The following ZBTB10 variants were observed in gnomAD, a reference collection of about 807,000 sequenced individuals.
ZBTB10 encodes the protein zinc finger and BTB domain-containing protein 10.
In ZBTB10, 32 loss-of-function variants were observed where a neutral mutation model predicts 76.4. The observed-to-expected ratio is 0.42, with a 90% confidence interval of 0.32 to 0.56. The LOEUF (loss-of-function observed/expected upper bound fraction) is 0.56. Among genes scored for constraint, ZBTB10 ranks in the 20% least tolerant of loss-of-function variants. The probability of loss-of-function intolerance (pLI) is 0.14; values close to 1 mark genes in which losing one functional copy is unlikely to be tolerated. For missense variants in ZBTB10, 1,057 were observed against 1,098.5 expected, an observed-to-expected ratio of 0.96 and a Z score of 0.53; for synonymous variants, 523 against 432.9, an observed-to-expected ratio of 1.21 and a Z score of -2.58.
At chr8:80,491,702 T>G (rs188285752) in intron 1 of ZBTB10, among the ~76,000 whole-genome samples, 316 of 152,360 alleles carry the variant, frequency 2.1e-3, no homozygotes, top group Non-Finnish European at 2.2e-3. Flanking sequence ...TCAGGTTTAA[T>G]GATTAGCTCA....
intron 2 of ZBTB10, 103 bp from the exon 3 acceptor site, chr8:80,513,807 A>T: frequency 1.1e-6 from 1 of 879,098 alleles, no homozygotes; most frequent in Non-Finnish European, 1.8e-6. Flanking sequence ...CATTACTTAC[A>T]GATGGTACTT....
rs1436991727 is a variant in ZBTB10 at position 80,518,740 on chromosome 8, TTAA to T, written c.2138-40_2138-38del. ...GAAGTTTTGATAGCAAGTTTTCTGT[TTAA>T]TGTGTAATAAGCACTTTCTCTTTTT... On this transcript the variant is annotated intron_variant, in intron 4 of 5. Coordinates refer to ENST00000455036, the MANE Select transcript of ZBTB10 (RefSeq NM_001105539.3). 20 of 1,550,914 alleles carry T rather than the reference TTAA, an allele frequency of 1.3e-5. No individual in the cohort carries two copies. In the East Asian group the frequency reaches 4.5e-4, roughly 35 times the overall value.
chr8:80,486,069 G>A (rs1006104365), upstream of ZBTB10: 7 of 1,067,824 alleles, frequency 6.6e-6, no homozygotes, highest in Non-Finnish European at 8.8e-6. Context: ...CCCCAGGCCG[G>A]AGGCGCAGCC....
In ZBTB10 at chr8:80,486,719, A is replaced by T; in HGVS notation, c.-92A>T. The stretch of plus-strand genomic sequence containing the variant: ...GACCGGAACGCCGGGGGCGGGGGCG[A>T]GACAGAGGGGGAGCCGCGGGGAGCG... On this transcript the variant is annotated 5_prime_UTR_variant, in exon 1 of 6. Transcript: ENST00000455036. 1.0e-6 allele frequency: 1 copy of T among 999,798 alleles called. No homozygotes were observed. Among genetic ancestry groups the T allele is most frequent in the Non-Finnish European group, 1.2e-6 (1 of 840,794 alleles). 61.9% of individuals were successfully genotyped at this position (999,798 alleles called of 1,614,324 possible).
chr8:80,491,460 C>A (rs1275728374), intron 1 of ZBTB10, among the ~76,000 whole-genome samples: 1 of 152,272 alleles, frequency 6.6e-6, no homozygotes, highest in East Asian at 1.9e-4. Flanking sequence ...AGGTTACTTT[C>A]CTCTAAGTAA....
At chr8:80,490,471 A>G (rs1168824304) in intron 1 of ZBTB10, among the ~76,000 whole-genome samples, 2 of 152,092 alleles carry the variant, frequency 1.3e-5, no homozygotes, top group Non-Finnish European at 2.9e-5. Context: ...TTTTGGGCTC[A>G]AGCAATTCTC....
rs1039675174 is a variant in ZBTB10, at chr8:80,503,568, A to G, written c.1861+3186A>G. On this transcript the variant is annotated intron_variant, in intron 2 of 5. Coordinates refer to ENST00000455036, the MANE Select transcript of ZBTB10 (RefSeq NM_001105539.3). ...AGTCTCCCTGTGTCACCAAGGCTGG[A>G]GTGCAGTTGCATGATTTTGGCTCAC... Among the ~76,000 whole-genome samples, 8 of 152,056 alleles carry G rather than the reference A, an allele frequency of 5.3e-5. No individual in the cohort carries two copies. In the East Asian group the frequency reaches 1.3e-3, roughly 26 times the overall value.
intron 1 of ZBTB10, among the ~76,000 whole-genome samples, chr8:80,494,723 G>T (rs2131480817): frequency 6.6e-6 from 1 of 152,000 alleles, no homozygotes; most frequent in South Asian, 2.1e-4. Context: ...TTTGAGACAA[G>T]CCTGGGCAAC....
intron 1 of ZBTB10, among the ~76,000 whole-genome samples, chr8:80,497,819 T>A (rs963564378): frequency 6.6e-5 from 10 of 150,428 alleles, no homozygotes; most frequent in Non-Finnish European, 1.3e-4. Flanking sequence ...GCCCCACTAC[T>A]GCCCAGCTAA....
At chr8:80,512,169 A>G (rs989810395) in intron 2 of ZBTB10, among the ~76,000 whole-genome samples, 2 of 152,122 alleles carry the variant, frequency 1.3e-5, no homozygotes, top group African/African-American at 4.8e-5. Context: ...CTAAGCAATA[A>G]TGCTACATTC....
chr8:80,506,668 T>C (rs1434389148), intron 2 of ZBTB10, among the ~76,000 whole-genome samples: 2 of 151,996 alleles, frequency 1.3e-5, no homozygotes, highest in African/African-American at 4.8e-5. Context: ...ATTAGTGTTT[T>C]GTATAAATAT....
At chr8:80,514,356 G>A (rs1356696970) in intron 3 of ZBTB10, among the ~76,000 whole-genome samples, 1 of 152,186 alleles carries the variant, frequency 6.6e-6, no homozygotes. Context: ...CAAAATGATG[G>A]TGTAGTTAAT....
chr8:80,493,658 A>G (rs1815704661), intron 1 of ZBTB10, among the ~76,000 whole-genome samples: 1 of 145,940 alleles, frequency 6.9e-6, no homozygotes, highest in South Asian at 2.2e-4. Flanking sequence ...CTCTAATTTA[A>G]AAACAAAACA....
rs763652216 is a variant in ZBTB10, at chr8:80,487,066, G to A, written c.256G>A (p.Gly86Ser). 2 of 1,515,382 alleles carry A rather than the reference G, an allele frequency of 1.3e-6. No individual in the cohort carries two copies. Among genetic ancestry groups the A allele is most frequent in the South Asian group, 1.2e-5 (1 of 82,032 alleles). 93.9% of individuals were successfully genotyped at this position (1,515,382 alleles called of 1,614,324 possible). A position where few individuals can be genotyped will look rare whatever the true frequency, so the allele number is the denominator to read the frequency against. The part of the protein sequence containing the change: ...DLEASAGPAA[G>S]AAEEAKELLL... ...GGAGGCCTCCGCCGGGCCGGCCGCCGGCGCCGCCGAGGAAGCCAAGGAGTT... is the reference window on the plus strand; with the variant it reads ...GGAGGCCTCCGCCGGGCCGGCCGCCAGCGCCGCCGAGGAAGCCAAGGAGTT... The change falls in exon 1 of 6, where the codon GGC (glycine) becomes AGC (serine). Residue 86 changes from glycine to serine, a missense_variant. Transcript: ENST00000455036.
intron 3 of ZBTB10, among the ~76,000 whole-genome samples, chr8:80,517,108 A>T (rs1563467380): frequency 6.6e-6 from 1 of 152,192 alleles, no homozygotes; most frequent in Non-Finnish European, 1.5e-5. Flanking sequence ...TTTGGAGGAT[A>T]TTGAAAGTCT....
chr8:80,486,621 GGAC>G lies in ZBTB10; in HGVS notation c.-188_-186del. On this transcript the variant is annotated 5_prime_UTR_variant, in exon 1 of 6. Transcript: ENST00000455036. Reference sequence around the variant, plus strand: ...TCGGCCCGGCAGCGGCAGCGGCAGCGGACGCGTGCAGCAGACCCGGGAGCGAGC... The same window carrying G: ...TCGGCCCGGCAGCGGCAGCGGCAGCGGCGTGCAGCAGACCCGGGAGCGAGC... 9 of 987,910 alleles carry G rather than the reference GGAC, an allele frequency of 9.1e-6. No individual in the cohort carries two copies. Among genetic ancestry groups the G allele is most frequent in the Non-Finnish European group, 1.1e-5 (9 of 831,838 alleles). 61.2% of individuals were successfully genotyped at this position (987,910 alleles called of 1,614,324 possible). A position where few individuals can be genotyped will look rare whatever the true frequency, so the allele number is the denominator to read the frequency against.
intron 3 of ZBTB10, among the ~76,000 whole-genome samples, chr8:80,517,603 T>A (rs1816355216): frequency 6.6e-6 from 1 of 152,166 alleles, no homozygotes; most frequent in African/African-American, 2.4e-5. Flanking sequence ...ACTTTACATT[T>A]TTAATTATCC....
chr8:80,522,837 A>G lies in ZBTB10; in HGVS notation c.*3309A>G, dbSNP rs1816476326. 6.6e-6 allele frequency: 1 copy of G among 151,924 alleles called. No individual in the cohort carries two copies. The allele number at this position is 151,924 out of a possible 1,614,324, so 9.4% of individuals were successfully genotyped here. On this transcript the variant is annotated 3_prime_UTR_variant, in exon 6 of 6. Coordinates refer to ENST00000455036, the MANE Select transcript of ZBTB10 (RefSeq NM_001105539.3). ...TGAAAGGATTAGGACTTGGGCATTT[A>G]TATTAATACAAAATGGTGTAAACGG...
intron 1 of ZBTB10, 125 bp downstream of exon 1, chr8:80,487,907 C>A: frequency 8.7e-7 from 1 of 1,155,556 alleles, no homozygotes; most frequent in South Asian, 1.7e-5. Context: ...AGACATCGTT[C>A]CAGTTGAGAG....
Sources: allele counts gnomAD v4.1 joint callset (sites outside exome capture counted in the v4.1 genomes callset), GRCh38; gene constraint gnomAD v4.1.1; transcripts MANE v1.5; gene names NCBI Gene and HGNC (gene_info 2026-07-23, HGNC 2026-07-21).